Variants in RABGAP1L observed in about 807,000 individuals in gnomAD.
The protein encoded by RABGAP1L is rab GTPase-activating protein 1-like.
A neutral mutation model predicts 137.7 loss-of-function variants in RABGAP1L; 63 were observed. That is an observed-to-expected ratio of 0.46 (90% CI 0.37 to 0.56). The LOEUF is 0.56. Among genes scored for constraint, RABGAP1L ranks in the 20% least tolerant of loss-of-function variants. The pLI is 0.00. For synonymous variants in RABGAP1L, 431 were observed against 433.7 expected, an observed-to-expected ratio of 0.99 and a Z score of 0.08; for missense variants, 1,095 against 1,244.0, an observed-to-expected ratio of 0.88 and a Z score of 1.80.
Position 174,708,733 on chromosome 1 carries a change from C to T in RABGAP1L, c.2169+6477C>T, listed in dbSNP as rs147803248. 1.5e-3 allele frequency among the ~76,000 whole-genome samples: 223 copies of T among 152,304 alleles called. 2 individuals are homozygous for T. Among genetic ancestry groups the T allele is most frequent in the Non-Finnish European group, 2.5e-3 (173 of 68,026 alleles). On this transcript the variant is annotated intron_variant, in intron 17 of 25. Coordinates refer to ENST00000681986, the MANE Select transcript of RABGAP1L (RefSeq NM_001366446.1). ...ACTGGGCAGTCGTTTGGGCAGACAC[C>T]AAGCTAGCTGCAGGAGTTTTTGTTT...
At chr1:174,436,683 G>T (rs550903387) in intron 13 of RABGAP1L, among the ~76,000 whole-genome samples, 1 of 152,056 alleles carries the variant, frequency 6.6e-6, no homozygotes, top group Admixed American at 6.6e-5. Flanking sequence ...GTCAATTTTG[G>T]CTTTTGTTGC....
intron 13 of RABGAP1L, among the ~76,000 whole-genome samples, chr1:174,588,494 A>G (rs1353610838): frequency 1.3e-5 from 2 of 152,168 alleles, no homozygotes; most frequent in East Asian, 3.9e-4. Flanking sequence ...TGTACAATAA[A>G]TTATTGTTGA....
intron 19 of RABGAP1L, among the ~76,000 whole-genome samples, chr1:174,955,044 T>C (rs1668317181): frequency 6.6e-6 from 1 of 152,226 alleles, no homozygotes; most frequent in Non-Finnish European, 1.5e-5. Context: ...ATATTTCCCT[T>C]GTTTATCTAA....
At chr1:174,463,256 C>G (rs2149286742) in intron 13 of RABGAP1L, among the ~76,000 whole-genome samples, 2 of 152,142 alleles carry the variant, frequency 1.3e-5, no homozygotes, top group Non-Finnish European at 2.9e-5. Context: ...AGACTTGGAA[C>G]TAACCCAAAT....
chr1:174,694,260 A>G (rs976397913), intron 15 of RABGAP1L, among the ~76,000 whole-genome samples: 7 of 151,994 alleles, frequency 4.6e-5, no homozygotes, highest in Middle Eastern at 3.4e-3. Context: ...CAGGTTAGTT[A>G]CATATGTATA....
At chr1:174,744,832 G>A (rs573511567) in intron 17 of RABGAP1L, among the ~76,000 whole-genome samples, 1 of 152,202 alleles carries the variant, frequency 6.6e-6, no homozygotes, top group South Asian at 2.1e-4. Flanking sequence ...GGCATTAGTG[G>A]AGCATTTGAT....
intron 13 of RABGAP1L, among the ~76,000 whole-genome samples, chr1:174,566,771 T>C (rs1667613379): frequency 6.6e-6 from 1 of 152,146 alleles, no homozygotes; most frequent in African/African-American, 2.4e-5. Flanking sequence ...ATTGATCATG[T>C]TGGGAAAGCA....
intron 19 of RABGAP1L, among the ~76,000 whole-genome samples, chr1:174,881,763 G>A (rs1654265970): frequency 6.6e-6 from 1 of 151,996 alleles, no homozygotes. Flanking sequence ...GCCCCCCAAA[G>A]TGCTGGGATT....
chr1:174,669,538 A>G (rs1030517380), intron 14 of RABGAP1L, among the ~76,000 whole-genome samples: 1 of 152,266 alleles, frequency 6.6e-6, no homozygotes, highest in South Asian at 2.1e-4. Context: ...CTTTGAAGTC[A>G]TATCCAAAAA....
At chr1:174,328,007 A>ATATG (rs1680688753) in intron 11 of RABGAP1L, among the ~76,000 whole-genome samples, 2 of 137,114 alleles carry the variant, frequency 1.5e-5, no homozygotes, top group Middle Eastern at 3.7e-3. Flanking sequence ...ATATATATAT[A>ATATG]TATATATATA....
intron 11 of RABGAP1L, among the ~76,000 whole-genome samples, chr1:174,318,594 T>TTCTC (rs1380965269): frequency 1.4e-5 from 2 of 144,278 alleles, no homozygotes; most frequent in East Asian, 4.0e-4. Context: ...CTTTCTTTCT[T>TTCTC]TCTTTCTTTC....
chr1:174,886,062 G>A (rs1655066447), intron 19 of RABGAP1L, among the ~76,000 whole-genome samples: 1 of 143,722 alleles, frequency 7.0e-6, no homozygotes, highest in South Asian at 2.2e-4. Flanking sequence ...TGCCCACGCT[G>A]GAGTACAATG....
At chr1:174,239,218 C>T in intron 4 of RABGAP1L, among the ~76,000 whole-genome samples, 1 of 152,340 alleles carries the variant, frequency 6.6e-6, no homozygotes, top group African/African-American at 2.4e-5. Context: ...ATGCAGAAAT[C>T]ACCCGTCTTC....
At chr1:174,208,607 A>G (rs994903425) in intron 1 of RABGAP1L, among the ~76,000 whole-genome samples, 1 of 152,180 alleles carries the variant, frequency 6.6e-6, no homozygotes, top group African/African-American at 2.4e-5. Context: ...ATGTTGAGCC[A>G]GTCTTTCGTA....
At position 174,367,175 on chromosome 1, in the gene RABGAP1L, G is replaced by A. The variant is rs1330464432; in HGVS notation, c.1466-3804G>A. On this transcript the variant is annotated intron_variant, in intron 11 of 25. Coordinates refer to ENST00000681986, the MANE Select transcript of RABGAP1L (RefSeq NM_001366446.1). ...CTGTTTGTTTTCTCAGGATCCCAAA[G>A]TGCTCATTCAAAGCCATCTCTGTCT... The A allele has an allele frequency of 2.6e-5, 4 of 152,802 alleles. No individual in the cohort carries two copies. In the Middle Eastern group the frequency reaches 6.8e-3, roughly 262 times the overall value. 9.5% of individuals were successfully genotyped at this position (152,802 alleles called of 1,614,324 possible).
At chr1:174,887,084 C>T (rs960081631) in intron 19 of RABGAP1L, among the ~76,000 whole-genome samples, 12 of 152,112 alleles carry the variant, frequency 7.9e-5, no homozygotes, top group Admixed American at 2.6e-4. Context: ...GGATTATAGG[C>T]GCGAGCCACC....
chr1:174,544,106 G>A (rs1665760257), intron 13 of RABGAP1L, among the ~76,000 whole-genome samples: 1 of 152,080 alleles, frequency 6.6e-6, no homozygotes, highest in Non-Finnish European at 1.5e-5. Context: ...TATCTTTGTG[G>A]CGTTCTCTGT....
intron 10 of RABGAP1L, among the ~76,000 whole-genome samples, chr1:174,285,097 A>T (rs1049732506): frequency 3.3e-5 from 5 of 151,950 alleles, no homozygotes; most frequent in Admixed American, 2.6e-4. Flanking sequence ...GCTCACTGCA[A>T]CCTCTGCCTC....
intron 20 of RABGAP1L, among the ~76,000 whole-genome samples, chr1:174,961,572 T>C (rs1398151220): frequency 5.9e-5 from 9 of 152,118 alleles, no homozygotes; most frequent in African/African-American, 1.9e-4. Context: ...TGGCCGGGCA[T>C]GGTGGCTCTT....
Sources: allele counts gnomAD v4.1 joint callset (sites outside exome capture counted in the v4.1 genomes callset), GRCh38; gene constraint gnomAD v4.1.1; transcripts MANE v1.5; gene names NCBI Gene and HGNC (gene_info 2026-07-23, HGNC 2026-07-21).